THSD4: variants seen among roughly 807,000 people sequenced by gnomAD.
THSD4 encodes the protein thrombospondin type-1 domain-containing protein 4.
In THSD4, 69 loss-of-function variants were observed where a neutral mutation model predicts 119.0. That is an observed-to-expected ratio of 0.58 (90% confidence interval 0.48 to 0.71). The LOEUF (loss-of-function observed/expected upper bound fraction) is 0.71, where lower values mean the gene tolerates loss of function less well. Ranked by LOEUF, THSD4 falls within the 30% of genes least tolerant of loss-of-function variation. The pLI, the probability that THSD4 is intolerant of heterozygous loss-of-function variation, is 0.00. For missense variants in THSD4, 1,393 were observed against 1,391.1 expected, an observed-to-expected ratio of 1.00 and a Z score of -0.02; for synonymous variants, 524 against 540.4, an observed-to-expected ratio of 0.97 and a Z score of 0.42.
chr15:71,389,814 T>TG, intron 6 of THSD4, among the ~76,000 whole-genome samples: 1 of 126,130 alleles, frequency 7.9e-6, no homozygotes, highest in East Asian at 2.1e-4. Flanking sequence ...TGGGTTGTTT[T>TG]TTTTTTTTTT....
At chr15:71,386,535 A>G (rs907820296) in intron 6 of THSD4, among the ~76,000 whole-genome samples, 13 of 152,372 alleles carry the variant, frequency 8.5e-5, no homozygotes, top group African/African-American at 2.9e-4. Flanking sequence ...ATACTGACAC[A>G]TGTAAGAGAA....
chr15:71,191,965 C>T (rs904363915), intron 3 of THSD4, among the ~76,000 whole-genome samples: 5 of 150,760 alleles, frequency 3.3e-5, no homozygotes, highest in East Asian at 2.0e-4. Flanking sequence ...TGTAGTGGCA[C>T]GATCTCAGCT....
intron 6 of THSD4, among the ~76,000 whole-genome samples, chr15:71,372,981 C>T (rs542080355): frequency 1.3e-4 from 20 of 152,350 alleles, no homozygotes; most frequent in Middle Eastern, 3.4e-3. Flanking sequence ...CAATGGCGGG[C>T]GCCCCTCCCG....
At chr15:71,571,434 GA>G (rs753264599) in intron 7 of THSD4, among the ~76,000 whole-genome samples, 18 of 152,072 alleles carry the variant, frequency 1.2e-4, no homozygotes, top group Non-Finnish European at 2.6e-4. Flanking sequence ...GAATAAAACA[GA>G]AATGTTTAGC....
intron 14 of THSD4, 24 bp from the exon 15 acceptor site, chr15:71,757,878 A>AC (rs2053569260): frequency 6.2e-7 from 1 of 1,611,898 alleles, no homozygotes; most frequent in African/African-American, 1.3e-5. Context: ...CTCCTGACTA[A>AC]TGTGCCCTTC....
intron 8 of THSD4, among the ~76,000 whole-genome samples, chr15:71,685,746 T>C (rs905960404): frequency 6.6e-6 from 1 of 152,104 alleles, no homozygotes; most frequent in South Asian, 2.1e-4. Flanking sequence ...ACTAGAAAAG[T>C]GGTAGTTTCT....
intron 7 of THSD4, among the ~76,000 whole-genome samples, chr15:71,654,912 T>C (rs1392772524): frequency 1.3e-5 from 2 of 152,176 alleles, no homozygotes; most frequent in Non-Finnish European, 2.9e-5. Context: ...TCTGAATGCC[T>C]GGCACCAGCC....
chr15:71,232,092 G>A lies in THSD4; in HGVS notation c.465-10557G>A, dbSNP rs147457174. Among the ~76,000 whole-genome samples, 24 of 152,162 alleles carry A rather than the reference G, an allele frequency of 1.6e-4. No homozygotes were observed. In the East Asian group the frequency reaches 2.7e-3, roughly 17 times the overall value. The stretch of plus-strand genomic sequence containing the variant: ...AAGCGGCTCCTTGGTGAACACACAC[G>A]TTTCTGGTCCTCAGCTGCTGCTCCC... On this transcript the variant is annotated intron_variant, in intron 4 of 17. Coordinates refer to ENST00000261862, the MANE Select transcript of THSD4 (RefSeq NM_024817.3).
chr15:71,242,285 G>A (rs2044159549), intron 4 of THSD4, among the ~76,000 whole-genome samples: 1 of 152,180 alleles, frequency 6.6e-6, no homozygotes, highest in Non-Finnish European at 1.5e-5. Context: ...TCATATGTTT[G>A]TACTTCTCTG....
Position 71,727,427 on chromosome 15 carries a change from GACTAAC to G in THSD4, c.1358-1119_1358-1114del, listed in dbSNP as rs554404457. On this transcript the variant is annotated intron_variant, in intron 8 of 17. Coordinates refer to ENST00000261862, the MANE Select transcript of THSD4 (RefSeq NM_024817.3). ...AGAAAAATTCTGGGCCAGGTGCAGT[GACTAAC>G]ACCTGTAATCCCAGCACTTTGGGAG... Among the ~76,000 whole-genome samples the G allele has an allele frequency of 3.9e-4, 59 of 151,102 alleles. No homozygotes were observed. The East Asian group carries it at 0.011, about 29-fold the overall frequency.
intron 6 of THSD4, among the ~76,000 whole-genome samples, chr15:71,282,218 C>T (rs773512056): frequency 1.3e-5 from 2 of 152,116 alleles, no homozygotes; most frequent in Admixed American, 1.3e-4. Context: ...TTTGTTCTCT[C>T]TGTGGACTAT....
In THSD4 at chr15:71,557,562, A is replaced by C. The variant is rs551043358; in HGVS notation, c.1153-102968A>C. On this transcript the variant is annotated intron_variant, in intron 7 of 17. Coordinates refer to ENST00000261862, the MANE Select transcript of THSD4 (RefSeq NM_024817.3). ...CTATAATATAAAATTATTGTAATTT[A>C]TTCCTAGAAAGTCACCTAAAAAACT... 7.9e-5 allele frequency among the ~76,000 whole-genome samples: 12 copies of C among 152,284 alleles called. No homozygotes were observed. The South Asian group carries it at 2.5e-3, about 32-fold the overall frequency.
chr15:71,338,974 G>T (rs988736477), intron 6 of THSD4, among the ~76,000 whole-genome samples: 1 of 152,178 alleles, frequency 6.6e-6, no homozygotes, highest in Non-Finnish European at 1.5e-5. Flanking sequence ...AGGTGCCTGA[G>T]TGACCAGTGT....
At chr15:71,315,203 A>T (rs1246935696) in intron 6 of THSD4, among the ~76,000 whole-genome samples, 2 of 152,078 alleles carry the variant, frequency 1.3e-5, no homozygotes, top group Non-Finnish European at 2.9e-5. Context: ...ATCTCTCCTC[A>T]TCTCTGGCTG....
At chr15:71,346,868 CTTTTTTTTTT>C (rs71154763) in intron 6 of THSD4, among the ~76,000 whole-genome samples, 3 of 86,010 alleles carry the variant, frequency 3.5e-5, no homozygotes, top group African/African-American at 4.8e-5. Flanking sequence ...TTTTCATTTT[CTTTTTTTTTT>C]TTTTTTTTTT....
chr15:71,520,908 A>G (rs1315242766), intron 7 of THSD4, among the ~76,000 whole-genome samples: 12 of 152,216 alleles, frequency 7.9e-5, no homozygotes, highest in Non-Finnish European at 1.6e-4. Flanking sequence ...GCTGCCCAGG[A>G]AGTCTTTGTA....
intron 7 of THSD4, among the ~76,000 whole-genome samples, chr15:71,653,687 G>A (rs1215450122): frequency 6.6e-6 from 1 of 152,198 alleles, no homozygotes; most frequent in Middle Eastern, 3.2e-3. Flanking sequence ...TTCAACCAAA[G>A]CAGTTCTGCT....
At chr15:71,630,059 A>G (rs1595805691) in intron 7 of THSD4, among the ~76,000 whole-genome samples, 1 of 152,156 alleles carries the variant, frequency 6.6e-6, no homozygotes, top group Admixed American at 6.5e-5. Flanking sequence ...CATCAAACTT[A>G]TGTCTTTGTA....
At chr15:71,315,038 G>T (rs1429291284) in intron 6 of THSD4, among the ~76,000 whole-genome samples, 1 of 152,070 alleles carries the variant, frequency 6.6e-6, no homozygotes, top group Non-Finnish European at 1.5e-5. Flanking sequence ...TCTGCCTCCT[G>T]CCCCCACTCC....
Sources: allele counts gnomAD v4.1 joint callset (sites outside exome capture counted in the v4.1 genomes callset), GRCh38; gene constraint gnomAD v4.1.1; transcripts MANE v1.5; gene names NCBI Gene and HGNC (gene_info 2026-07-23, HGNC 2026-07-21).